FBXL7: variants seen among roughly 807,000 people sequenced by gnomAD.
The protein encoded by FBXL7 is F-box/LRR-repeat protein 7.
Under a neutral mutation model 38.3 loss-of-function variants are expected in FBXL7, and 12 were observed. The observed-to-expected ratio is 0.31, with a 90% CI of 0.20 to 0.51. The LOEUF (loss-of-function observed/expected upper bound fraction) is 0.51. FBXL7 is among the 20% of genes least tolerant of loss of function. FBXL7 has a pLI of 0.98. For missense variants in FBXL7, 567 were observed against 676.4 expected, an observed-to-expected ratio of 0.84 and a Z score of 1.79; for synonymous variants, 297 against 300.9, an observed-to-expected ratio of 0.99 and a Z score of 0.13.
At chr5:15,626,517 T>C (rs1045337049) in intron 2 of FBXL7, among the ~76,000 whole-genome samples, 4 of 150,922 alleles carry the variant, frequency 2.7e-5, no homozygotes, top group Non-Finnish European at 5.9e-5. Context: ...GAATATCATA[T>C]GATAGTCTTA....
At position 15,808,456 on chromosome 5, in the gene FBXL7, C is replaced by T. The variant is rs905155323; in HGVS notation, c.128-119434C>T. On this transcript the variant is annotated intron_variant, in intron 2 of 3. Transcript: ENST00000504595. ...CCAGAACCTCTTCCACACACTCAGC[C>T]TGGACTTACCCCGTTCTCATCTTCA... Among the ~76,000 whole-genome samples the T allele has an allele frequency of 3.9e-5, 6 of 152,286 alleles. No individual in the cohort carries two copies. The East Asian group carries it at 5.8e-4, about 15-fold the overall frequency.
At chr5:15,699,401 G>A (rs997473688) in intron 2 of FBXL7, among the ~76,000 whole-genome samples, 5 of 152,136 alleles carry the variant, frequency 3.3e-5, no homozygotes, top group African/African-American at 1.2e-4. Context: ...CCAGCTTGCA[G>A]CTGCATTGCT....
At chr5:15,635,042 G>T (rs1447430679) in intron 2 of FBXL7, among the ~76,000 whole-genome samples, 4 of 150,124 alleles carry the variant, frequency 2.7e-5, no homozygotes, top group African/African-American at 7.3e-5. Flanking sequence ...TTTTTTTTTT[G>T]GAGGGGGCAT....
intron 1 of FBXL7, among the ~76,000 whole-genome samples, chr5:15,542,335 A>G (rs901748152): frequency 1.8e-4 from 27 of 152,226 alleles, no homozygotes; most frequent in African/African-American, 5.5e-4. Context: ...GAGTATGCAC[A>G]TATCAAAATT....
At chr5:15,518,588 G>A (rs1385242770) in intron 1 of FBXL7, among the ~76,000 whole-genome samples, 1 of 152,108 alleles carries the variant, frequency 6.6e-6, no homozygotes, top group Non-Finnish European at 1.5e-5. Context: ...ACTTGGTGAC[G>A]AATTGGCTGA....
At chr5:15,587,581 T>A (rs1233111378) in intron 1 of FBXL7, among the ~76,000 whole-genome samples, 1 of 152,224 alleles carries the variant, frequency 6.6e-6, no homozygotes, top group Non-Finnish European at 1.5e-5. Context: ...ACAGAGTATG[T>A]GTAGTTATCG....
intron 2 of FBXL7, among the ~76,000 whole-genome samples, chr5:15,707,174 G>GT (rs71603796): frequency 0.48 from 33,884 of 70,440 alleles, 10,229 homozygotes; most frequent in Middle Eastern, 0.6. Context: ...TTTTCTTTTC[G>GT]TTTTTTTTTT....
At chr5:15,533,218 C>T (rs1315309848) in intron 1 of FBXL7, among the ~76,000 whole-genome samples, 2 of 152,168 alleles carry the variant, frequency 1.3e-5, no homozygotes, top group Admixed American at 6.5e-5. Context: ...CACTGTGTGT[C>T]TAATCAAACC....
intron 2 of FBXL7, among the ~76,000 whole-genome samples, chr5:15,733,967 C>T (rs948998991): frequency 1.1e-4 from 17 of 152,012 alleles, no homozygotes; most frequent in African/African-American, 4.1e-4. Flanking sequence ...ATTACCTGGG[C>T]TTGGTGGCAT....
At chr5:15,589,449 TC>T (rs1739406310) in intron 1 of FBXL7, among the ~76,000 whole-genome samples, 1 of 152,092 alleles carries the variant, frequency 6.6e-6, no homozygotes, top group Non-Finnish European at 1.5e-5. Context: ...TGTGCCTGCT[TC>T]CCCTTTGTCT....
intron 2 of FBXL7, among the ~76,000 whole-genome samples, chr5:15,802,741 C>T (rs1354596001): frequency 2.0e-5 from 3 of 152,000 alleles, no homozygotes; most frequent in African/African-American, 7.3e-5. Context: ...GCAACCTCCG[C>T]CTCCCAGGTT....
chr5:15,833,150 A>G (rs1355583445), intron 2 of FBXL7, among the ~76,000 whole-genome samples: 1 of 152,134 alleles, frequency 6.6e-6, no homozygotes, highest in African/African-American at 2.4e-5. Flanking sequence ...GTATGTCTTT[A>G]TCAGCAGAAT....
intron 2 of FBXL7, among the ~76,000 whole-genome samples, chr5:15,739,245 C>A (rs554217651): frequency 4.6e-5 from 7 of 152,172 alleles, no homozygotes; most frequent in Non-Finnish European, 1.0e-4. Flanking sequence ...TAGCCACCTG[C>A]AGCCCTTGAT....
chr5:15,878,114 T>G (rs1368286809), intron 2 of FBXL7, among the ~76,000 whole-genome samples: 1 of 152,170 alleles, frequency 6.6e-6, no homozygotes, highest in Non-Finnish European at 1.5e-5. Flanking sequence ...GAAAAGGCTA[T>G]GTAAATCCTT....
intron 1 of FBXL7, among the ~76,000 whole-genome samples, chr5:15,522,037 G>C (rs1161632060): frequency 6.6e-6 from 1 of 152,208 alleles, no homozygotes; most frequent in Non-Finnish European, 1.5e-5. Flanking sequence ...TCACTCTGGG[G>C]CAAGTGCCAT....
At chr5:15,610,393 T>A (rs768209265) in intron 1 of FBXL7, among the ~76,000 whole-genome samples, 1 of 152,182 alleles carries the variant, frequency 6.6e-6, no homozygotes, top group Non-Finnish European at 1.5e-5. Flanking sequence ...ATCTGGACTT[T>A]CCGTATGTAC....
At chr5:15,697,616 A>C (rs1743381448) in intron 2 of FBXL7, among the ~76,000 whole-genome samples, 1 of 151,922 alleles carries the variant, frequency 6.6e-6, no homozygotes, top group Non-Finnish European at 1.5e-5. Flanking sequence ...GTGAGAACAG[A>C]ATGATGGAGG....
intron 2 of FBXL7, among the ~76,000 whole-genome samples, chr5:15,620,496 C>T (rs1024259682): frequency 2.0e-5 from 3 of 151,682 alleles, no homozygotes; most frequent in Admixed American, 6.6e-5. Flanking sequence ...GTGATTCACC[C>T]GCCTCGGCCT....
intron 2 of FBXL7, among the ~76,000 whole-genome samples, chr5:15,660,801 C>T (rs759419210): frequency 3.9e-5 from 6 of 152,130 alleles, no homozygotes; most frequent in Non-Finnish European, 7.3e-5. Context: ...ATGACATAGC[C>T]AAGGTGGGCT....
Sources: gnomAD v4.1 joint callset for allele counts (sites outside exome capture counted in the v4.1 genomes callset) on GRCh38, gnomAD v4.1.1 for gene constraint, MANE v1.5 for transcripts, NCBI Gene and HGNC (gene_info 2026-07-23, HGNC 2026-07-21) for gene names.